Variants in EGFR observed in about 807,000 individuals in gnomAD.
EGFR encodes avian erythroblastic leukemia viral (v-erb-b) oncogene homolog.
A neutral mutation model predicts 143.0 loss-of-function variants in EGFR; 58 were observed. That is an observed-to-expected ratio of 0.41 (90% CI 0.33 to 0.50). The LOEUF (loss-of-function observed/expected upper bound fraction) is 0.50, where lower values mean the gene tolerates loss of function less well. Ranked by LOEUF, EGFR falls within the 20% of genes least tolerant of loss-of-function variation. The probability of loss-of-function intolerance (pLI) is 0.39; values close to 1 mark genes in which losing one functional copy is unlikely to be tolerated. For synonymous variants in EGFR, 613 were observed against 594.4 expected, an observed-to-expected ratio of 1.03 and a Z score of -0.45; for missense variants, 1,307 against 1,579.0, an observed-to-expected ratio of 0.83 and a Z score of 2.92.
chr7:55,170,534 C>G (rs10258568), intron 15 of EGFR: 1 of 1,613,276 alleles, frequency 6.2e-7, no homozygotes, highest in Non-Finnish European at 8.5e-7. Flanking sequence ...ACGGCCTCCT[C>G]CTGCCACTGA....
At chr7:55,035,116 T>A (rs1209250499) in intron 1 of EGFR, among the ~76,000 whole-genome samples, 1 of 152,150 alleles carries the variant, frequency 6.6e-6, no homozygotes, top group Non-Finnish European at 1.5e-5. Flanking sequence ...AGGCAAAACC[T>A]TTTATTCTCT....
intron 22 of EGFR, 116 bp from the exon 23 acceptor site, chr7:55,198,601 A>G (rs1246787921): frequency 3.9e-6 from 6 of 1,527,856 alleles, no homozygotes; most frequent in Non-Finnish European, 5.4e-6. Flanking sequence ...CCAAGACTAC[A>G]GAAATGTAGG....
chr7:55,027,990 AAATATATATATATAT>A (rs59232653), intron 1 of EGFR, among the ~76,000 whole-genome samples: 15 of 64,878 alleles, frequency 2.3e-4, no homozygotes, highest in East Asian at 2.1e-3. Flanking sequence ...AAAAAAAAAA[AAATATATATATATAT>A]ATATATATAT....
chr7:55,152,427 G>T, intron 5 of EGFR, 119 bp from the exon 6 acceptor site: 1 of 930,164 alleles, frequency 1.1e-6, no homozygotes. Context: ...ATGTGGTTTC[G>T]TTGGAAGCAA....
At chr7:55,061,925 C>A (rs1789207945) in intron 1 of EGFR, among the ~76,000 whole-genome samples, 1 of 152,142 alleles carries the variant, frequency 6.6e-6, no homozygotes, top group African/African-American at 2.4e-5. Flanking sequence ...GACTGTTCAT[C>A]AAAGGACCAA....
intron 3 of EGFR, among the ~76,000 whole-genome samples, 166 bp downstream of exon 3, chr7:55,143,654 C>T (rs1794595899): frequency 6.6e-6 from 1 of 152,110 alleles, no homozygotes; most frequent in South Asian, 2.1e-4. Flanking sequence ...GGGGAAGTTA[C>T]TGAGAAGATG....
Position 55,193,441 on chromosome 7 carries a change from G to A in EGFR, c.2701+600G>A, listed in dbSNP as rs17290615. 9.5e-4 allele frequency among the ~76,000 whole-genome samples: 144 copies of A among 152,222 alleles called. 3 individuals carry two copies. The South Asian group carries it at 0.029, about 31-fold the overall frequency. On this transcript the variant is annotated intron_variant, in intron 22 of 27. Transcript: ENST00000275493. ...AGCACTGGCCTGTACCCATCCTCAC[G>A]AGGGCCGCTCTCCTCACCCGGCCCT...
chr7:55,026,154 C>A (rs1027937004), intron 1 of EGFR, among the ~76,000 whole-genome samples: 3 of 152,150 alleles, frequency 2.0e-5, no homozygotes, highest in African/African-American at 7.2e-5. Context: ...GCTCCCTTGG[C>A]AATTCTGAGG....
chr7:55,079,127 A>G (rs1790309496), intron 1 of EGFR, among the ~76,000 whole-genome samples: 1 of 152,136 alleles, frequency 6.6e-6, no homozygotes, highest in Non-Finnish European at 1.5e-5. Context: ...TGAGGCAGGC[A>G]TGGGCTGAGG....
intron 3 of EGFR, among the ~76,000 whole-genome samples, chr7:55,146,177 C>T (rs995331089): frequency 6.6e-6 from 1 of 151,882 alleles, no homozygotes; most frequent in Non-Finnish European, 1.5e-5. Flanking sequence ...AAGGTGGAGC[C>T]CTGGATGCCA....
At chr7:55,150,491 C>G (rs1235208701) in intron 4 of EGFR, among the ~76,000 whole-genome samples, 1 of 152,172 alleles carries the variant, frequency 6.6e-6, no homozygotes, top group African/African-American at 2.4e-5. Flanking sequence ...TAAATTCTTC[C>G]TGACTGCAGG....
intron 20 of EGFR, among the ~76,000 whole-genome samples, chr7:55,187,231 G>A (rs1300192955): frequency 6.6e-6 from 1 of 152,248 alleles, no homozygotes; most frequent in Non-Finnish European, 1.5e-5. Flanking sequence ...GAATGGAGAA[G>A]AGAGAATAGA....
chr7:55,157,627 G>C (rs1785493860), intron 10 of EGFR, 36 bp from the exon 11 acceptor site: 1 of 1,575,490 alleles, frequency 6.3e-7, no homozygotes, highest in East Asian at 2.2e-5. Flanking sequence ...AAACTCCTAC[G>C]TGGTGTGTGT....
At chr7:55,083,458 G>A (rs1474214808) in intron 1 of EGFR, among the ~76,000 whole-genome samples, 3 of 152,188 alleles carry the variant, frequency 2.0e-5, no homozygotes, top group African/African-American at 7.2e-5. Flanking sequence ...TGACGTCAGT[G>A]GTCTAGACCT....
At chr7:55,109,901 T>C (rs1247541081) in intron 1 of EGFR, 4 of 985,458 alleles carry the variant, frequency 4.1e-6, no homozygotes, top group Non-Finnish European at 4.8e-6. Context: ...GTGCATTTGC[T>C]GTGGGTTCCC....
At chr7:55,094,024 C>T (rs184233167) in intron 1 of EGFR, among the ~76,000 whole-genome samples, 109 of 152,270 alleles carry the variant, frequency 7.2e-4, no homozygotes, top group African/African-American at 2.4e-3. Context: ...CACAGTAGAG[C>T]GTGTGTAACG....
In EGFR at chr7:55,155,954, G is replaced by A. The variant is rs1440211095; in HGVS notation, c.1006+8G>A. ...AAGGGCCTTGCCGCAAAGGTAGGAA[G>A]CCCGCCGGTGTGCGGACGAGGCTTG... On this transcript the variant is annotated splice_region_variant and intron_variant, in intron 8 of 27. Coordinates refer to ENST00000275493, the MANE Select transcript of EGFR (RefSeq NM_005228.5). 1 of 1,604,694 alleles carries A rather than the reference G, an allele frequency of 6.2e-7. No individual in the cohort carries two copies. The highest frequency in any genetic ancestry group is 8.5e-7 in the Non-Finnish European group (1 of 1,174,292).
chr7:55,123,170 G>C (rs1793313087), intron 1 of EGFR, among the ~76,000 whole-genome samples: 1 of 152,236 alleles, frequency 6.6e-6, no homozygotes, highest in Admixed American at 6.5e-5. Flanking sequence ...TTATCAGGTT[G>C]TGTATTAAAT....
chr7:55,076,399 T>C (rs1344846599), intron 1 of EGFR, among the ~76,000 whole-genome samples: 1 of 152,180 alleles, frequency 6.6e-6, no homozygotes, highest in Non-Finnish European at 1.5e-5. Flanking sequence ...TAAAATCTAG[T>C]TTCATTGGTT....
Sources: gnomAD v4.1 joint callset for allele counts (sites outside exome capture counted in the v4.1 genomes callset) on GRCh38, gnomAD v4.1.1 for gene constraint, MANE v1.5 for transcripts, NCBI Gene and HGNC (gene_info 2026-07-23, HGNC 2026-07-21) for gene names.